Variants in TENM2 observed in about 807,000 individuals in gnomAD.
The protein encoded by TENM2 is teneurin transmembrane protein 2.
TENM2 carries 52 observed loss-of-function variants against 245.2 expected under a neutral mutation model. The ratio of observed to expected loss-of-function variants is 0.21; its 90% CI spans 0.17 to 0.27. The LOEUF (loss-of-function observed/expected upper bound fraction) is 0.27, where lower values mean the gene tolerates loss of function less well. Among genes scored for constraint, TENM2 ranks in the 10% least tolerant of loss-of-function variants. TENM2 has a pLI of 1.00. For synonymous variants in TENM2, 1,363 were observed against 1,438.9 expected, an observed-to-expected ratio of 0.95 and a Z score of 1.19; for missense variants, 3,046 against 3,666.8, an observed-to-expected ratio of 0.83 and a Z score of 4.37.
the TENM2 span, among the ~76,000 whole-genome samples, chr5:167,053,658 T>A: frequency 0.046 from 6,993 of 152,146 alleles, 250 homozygotes; most frequent in Non-Finnish European, 0.074. Context: ...ATCACTTGAC[T>A]TTAGGAGTTT....
intron 2 of TENM2, among the ~76,000 whole-genome samples, chr5:167,709,937 A>G (rs1758794659): frequency 6.6e-6 from 1 of 152,218 alleles, no homozygotes; most frequent in Non-Finnish European, 1.5e-5. Flanking sequence ...ATTCTAGAAA[A>G]GAGAGCAGAG....
rs35747170 is a variant in TENM2 at position 167,350,413 on chromosome 5, ATGTGTGTGTG to A, written c.227-24761_227-24752del. Among the ~76,000 whole-genome samples, 284 of 141,928 alleles carry A rather than the reference ATGTGTGTGTG, an allele frequency of 2.0e-3. 1 individual carries two copies. The highest frequency in any genetic ancestry group is 5.4e-3 in the African/African-American group (207 of 38,184). 93.1% of individuals were successfully genotyped at this position (141,928 alleles called of 152,430 possible). ...ATTATGAAAACCCATATACATATAT[ATGTGTGTGTG>A]TGTGTGTGTGTGTGTGTGTGTGTAT... On this transcript the variant is annotated intron_variant, in intron 1 of 28. Coordinates refer to ENST00000518659, the Ensembl canonical transcript of TENM2.
chr5:168,192,354 C>T (rs994913325), intron 14 of TENM2, among the ~76,000 whole-genome samples: 32 of 152,112 alleles, frequency 2.1e-4, no homozygotes, highest in African/African-American at 7.7e-4. Context: ...ACTAGTTTTA[C>T]CCACCACCAT....
chr5:167,300,349 A>G (rs545570950), intron 1 of TENM2, among the ~76,000 whole-genome samples: 1 of 152,272 alleles, frequency 6.6e-6, no homozygotes, highest in African/African-American at 2.4e-5. Flanking sequence ...GGTCAGTCCA[A>G]GTGAAAGCGA....
intron 3 of TENM2, among the ~76,000 whole-genome samples, chr5:167,896,247 C>T (rs1775210309): frequency 6.6e-6 from 1 of 152,162 alleles, no homozygotes; most frequent in Admixed American, 6.5e-5. Context: ...GAAATGCCAG[C>T]AGCAAGTGCA....
chr5:168,141,155 T>C (rs1755512094), intron 12 of TENM2, among the ~76,000 whole-genome samples: 1 of 152,128 alleles, frequency 6.6e-6, no homozygotes. Flanking sequence ...AGAGAGAAGA[T>C]TCCAGTTCAG....
At chr5:167,166,876 T>C in the TENM2 span, among the ~76,000 whole-genome samples, 1 of 152,170 alleles carries the variant, frequency 6.6e-6, no homozygotes, top group Non-Finnish European at 1.5e-5. Context: ...CTCAGGAATC[T>C]CAAACCTACC....
rs190065841 is a variant in TENM2 at position 168,242,648 on chromosome 5, A to G, written c.5521-1772A>G. On this transcript the variant is annotated intron_variant, in intron 25 of 28. Transcript: ENST00000518659. ...GCCTGTATATATTCGTCCTCAGCAT[A>G]TATTAAAGTCATCATTACTATCAGC... 4.0e-3 allele frequency among the ~76,000 whole-genome samples: 603 copies of G among 152,300 alleles called. 1 individual carries two copies. Among genetic ancestry groups the G allele is most frequent in the Non-Finnish European group, 7.3e-3 (499 of 68,026 alleles).
chr5:167,816,224 G>A (rs1176527490), intron 2 of TENM2, among the ~76,000 whole-genome samples: 2 of 152,122 alleles, frequency 1.3e-5, no homozygotes, highest in Non-Finnish European at 2.9e-5. Context: ...TGGGGAACAT[G>A]GAGCCACATT....
chr5:167,066,312 T>A, the TENM2 span, among the ~76,000 whole-genome samples: 2 of 152,136 alleles, frequency 1.3e-5, no homozygotes, highest in African/African-American at 4.8e-5. Flanking sequence ...TCAGACTCTT[T>A]TGATGATTTA....
intron 2 of TENM2, among the ~76,000 whole-genome samples, chr5:167,750,863 G>A (rs1311542106): frequency 6.6e-6 from 1 of 152,098 alleles, no homozygotes; most frequent in Non-Finnish European, 1.5e-5. Flanking sequence ...ACATTTTTCT[G>A]GTGCCATTAT....
intron 1 of TENM2, among the ~76,000 whole-genome samples, chr5:167,301,001 G>A (rs902485571): frequency 6.6e-6 from 1 of 152,152 alleles, no homozygotes; most frequent in African/African-American, 2.4e-5. Flanking sequence ...ATGGAGGCAA[G>A]GGAACAGCCC....
intron 2 of TENM2, among the ~76,000 whole-genome samples, chr5:167,823,448 C>A (rs1767706966): frequency 6.6e-6 from 1 of 152,170 alleles, no homozygotes; most frequent in African/African-American, 2.4e-5. Flanking sequence ...TCCCCTCACC[C>A]CCCTGCCACC....
intron 3 of TENM2, among the ~76,000 whole-genome samples, chr5:167,933,536 T>A (rs2151719286): frequency 1.3e-5 from 2 of 152,336 alleles, no homozygotes; most frequent in South Asian, 4.1e-4. Flanking sequence ...GCAGCCAAAT[T>A]TAGCTTCCAA....
intron 5 of TENM2, among the ~76,000 whole-genome samples, chr5:168,032,148 C>G (rs1049865022): frequency 4.6e-5 from 7 of 152,198 alleles, no homozygotes; most frequent in African/African-American, 7.2e-5. Flanking sequence ...CATACTTAAT[C>G]TCTCTCTCCC....
chr5:167,626,147 T>C (rs899101387), intron 2 of TENM2, among the ~76,000 whole-genome samples: 1 of 152,160 alleles, frequency 6.6e-6, no homozygotes, highest in African/African-American at 2.4e-5. Context: ...TTTGTGAGCA[T>C]ATTTAAAAAC....
At chr5:168,034,117 ATGTG>A (rs1787414723) in intron 5 of TENM2, among the ~76,000 whole-genome samples, 2 of 119,252 alleles carry the variant, frequency 1.7e-5, no homozygotes, top group South Asian at 5.0e-4. Context: ...ATACATATAT[ATGTG>A]TATATATATA....
At chr5:167,420,578 T>G (rs544316937) in intron 2 of TENM2, among the ~76,000 whole-genome samples, 1 of 152,242 alleles carries the variant, frequency 6.6e-6, no homozygotes, top group Non-Finnish European at 1.5e-5. Context: ...GTATTCTTCC[T>G]GCCTGAAATG....
chr5:167,772,471 A>C (rs1055105096), intron 2 of TENM2, among the ~76,000 whole-genome samples: 6 of 152,058 alleles, frequency 3.9e-5, no homozygotes, highest in African/African-American at 7.2e-5. Flanking sequence ...TCATTGTGGA[A>C]GTTATCCCAG....
Sources: allele counts gnomAD v4.1 joint callset (sites outside exome capture counted in the v4.1 genomes callset), GRCh38; gene constraint gnomAD v4.1.1; transcripts MANE v1.5; gene names NCBI Gene and HGNC (gene_info 2026-07-23, HGNC 2026-07-21).